The following STK33 variants were observed in gnomAD, a reference collection of about 807,000 sequenced individuals.
STK33 encodes serine/threonine kinase 33.
Under a neutral mutation model 58.0 loss-of-function variants are expected in STK33, and 52 were observed. The ratio of observed to expected loss-of-function variants is 0.90; its 90% CI spans 0.72 to 1.13. The LOEUF (loss-of-function observed/expected upper bound fraction) is 1.13, where lower values mean the gene tolerates loss of function less well. STK33 is among the 50% of genes most tolerant of loss of function. The pLI, the probability that STK33 is intolerant of heterozygous loss-of-function variation, is 0.00. For synonymous variants in STK33, 215 were observed against 200.1 expected (o/e 1.07, Z -0.63); for missense variants, 630 against 604.2 (o/e 1.04, Z -0.45).
intron 6 of STK33, among the ~76,000 whole-genome samples, chr11:8,470,103 G>A (rs919502292): frequency 1.2e-4 from 18 of 152,254 alleles, no homozygotes; most frequent in African/African-American, 4.3e-4. Context: ...GGGCTGTGAA[G>A]CCAAGCATTG....
At chr11:8,348,106 G>T in the STK33 span, among the ~76,000 whole-genome samples, 2 of 152,146 alleles carry the variant, frequency 1.3e-5, no homozygotes, top group African/African-American at 4.8e-5. Flanking sequence ...AACACCAGGG[G>T]GCAACCAGGA....
At chr11:8,390,922 T>C (rs983994893), downstream of STK33, among the ~76,000 whole-genome samples, 4 of 152,194 alleles carry the variant, frequency 2.6e-5, no homozygotes, top group Non-Finnish European at 5.9e-5. Flanking sequence ...ATTTTTAATA[T>C]ACAGAATATT....
At chr11:8,515,615 C>T (rs548849333) in intron 1 of STK33, among the ~76,000 whole-genome samples, 18 of 152,238 alleles carry the variant, frequency 1.2e-4, no homozygotes, top group African/African-American at 4.1e-4. Context: ...TTCAACAGCA[C>T]ATTAAAAGGA....
At chr11:8,444,975 T>C (rs1285042427) in intron 11 of STK33, among the ~76,000 whole-genome samples, 1 of 152,212 alleles carries the variant, frequency 6.6e-6, no homozygotes, top group African/African-American at 2.4e-5. Flanking sequence ...ATAAATTACT[T>C]TGGACACTAT....
At chr11:8,357,486 T>TG in the STK33 span, among the ~76,000 whole-genome samples, 1 of 152,254 alleles carries the variant, frequency 6.6e-6, no homozygotes, top group Non-Finnish European at 1.5e-5. Flanking sequence ...ACTATTAATA[T>TG]ACATGTCTGT....
At chr11:8,516,586 G>C (rs948101125) in intron 1 of STK33, among the ~76,000 whole-genome samples, 2 of 152,222 alleles carry the variant, frequency 1.3e-5, no homozygotes, top group African/African-American at 4.8e-5. Flanking sequence ...TCCTGGCAAA[G>C]GGAAGCCGTG....
chr11:8,401,636 A>G (rs1564859660), intron 15 of STK33, among the ~76,000 whole-genome samples: 1 of 152,206 alleles, frequency 6.6e-6, no homozygotes, highest in Non-Finnish European at 1.5e-5. Flanking sequence ...TAATTAAACT[A>G]AAGAGCTTCT....
At chr11:8,380,208 G>C in the STK33 span, among the ~76,000 whole-genome samples, 3 of 152,120 alleles carry the variant, frequency 2.0e-5, no homozygotes, top group Admixed American at 6.5e-5. Flanking sequence ...TCACCACACT[G>C]TTTTCCACAA....
At chr11:8,413,419 G>T in intron 15 of STK33, 76 bp downstream of exon 15, 2 of 1,499,612 alleles carry the variant, frequency 1.3e-6, no homozygotes, top group Non-Finnish European at 1.8e-6. Flanking sequence ...CAAAAAGACA[G>T]ATTTGCAAAA....
At chr11:8,389,243 C>T (rs1040139779), downstream of STK33, among the ~76,000 whole-genome samples, 4 of 152,244 alleles carry the variant, frequency 2.6e-5, no homozygotes, top group South Asian at 2.1e-4. Context: ...GCAGGAGCCA[C>T]GCCCACCAAA....
At chr11:8,465,803 T>A (rs1392332972) in intron 6 of STK33, 1 of 153,952 alleles carries the variant, frequency 6.5e-6, no homozygotes, top group African/African-American at 2.4e-5. Flanking sequence ...TAGTCCGTTT[T>A]CACGCTGCTG....
chr11:8,369,717 G>A, the STK33 span, among the ~76,000 whole-genome samples: 3 of 152,144 alleles, frequency 2.0e-5, no homozygotes, highest in Non-Finnish European at 4.4e-5. Flanking sequence ...TTCTTTATTT[G>A]TAGAATTCTG....
intron 1 of STK33, among the ~76,000 whole-genome samples, chr11:8,482,191 T>C (rs1949861417): frequency 6.6e-6 from 1 of 152,154 alleles, no homozygotes; most frequent in African/African-American, 2.4e-5. Context: ...GCATTTAGAA[T>C]GTCACAGCTG....
chr11:8,591,999 A>T (rs556919540), intron 1 of STK33, among the ~76,000 whole-genome samples: 129 of 137,710 alleles, frequency 9.4e-4, no homozygotes, highest in East Asian at 1.9e-3. Context: ...TAATAAAATT[A>T]AAAAAAAAAT....
intron 1 of STK33, among the ~76,000 whole-genome samples, chr11:8,523,885 A>C (rs1293590193): frequency 6.6e-6 from 1 of 152,234 alleles, no homozygotes; most frequent in African/African-American, 2.4e-5. Context: ...AAAAGGGGGA[A>C]ATGTGGGAAA....
intron 14 of STK33, among the ~76,000 whole-genome samples, chr11:8,420,607 T>C (rs10769906): frequency 6.6e-6 from 1 of 152,076 alleles, no homozygotes; most frequent in African/African-American, 2.4e-5. Context: ...TCTTCCTGCC[T>C]TCTATCACCT....
At chr11:8,432,420 T>A (rs925053585) in intron 14 of STK33, among the ~76,000 whole-genome samples, 1 of 152,106 alleles carries the variant, frequency 6.6e-6, no homozygotes, top group African/African-American at 2.4e-5. Flanking sequence ...GCCATTAGAG[T>A]CAAACTCTTC....
chr11:8,545,806 C>G (rs926379750), intron 1 of STK33, among the ~76,000 whole-genome samples: 2 of 152,174 alleles, frequency 1.3e-5, no homozygotes, highest in African/African-American at 4.8e-5. Context: ...ATCACACCTC[C>G]TAATTTCAAA....
intron 15 of STK33, among the ~76,000 whole-genome samples, chr11:8,400,117 G>T (rs1323633384): frequency 9.2e-5 from 14 of 152,124 alleles, no homozygotes; most frequent in African/African-American, 2.9e-4. Context: ...TAGCTCATTT[G>T]ATGAGGCCAG....
Sources: allele counts gnomAD v4.1 joint callset (sites outside exome capture counted in the v4.1 genomes callset), GRCh38; gene constraint gnomAD v4.1.1; transcripts MANE v1.5; gene names NCBI Gene and HGNC (gene_info 2026-07-23, HGNC 2026-07-21).